Variants in MAML3 observed in about 807,000 individuals in gnomAD.
The protein encoded by MAML3 is mastermind-like protein 3.
A neutral mutation model predicts 101.9 loss-of-function variants in MAML3; 27 were observed. That is an observed-to-expected ratio of 0.27 (90% CI 0.20 to 0.37). The LOEUF is 0.37. Ranked by LOEUF, MAML3 falls within the 10% of genes least tolerant of loss-of-function variation. The pLI is 1.00. For synonymous variants in MAML3, 501 were observed against 555.9 expected (o/e 0.90, Z 1.39); for missense variants, 1,316 against 1,444.9 (o/e 0.91, Z 1.45).
At position 139,943,909 on chromosome 4, in the gene MAML3, C is replaced by T. The variant is rs1412226272; in HGVS notation, c.469-52942G>A. On this transcript the variant is annotated intron_variant, in intron 1 of 4. Coordinates refer to ENST00000509479, the MANE Select transcript of MAML3 (RefSeq NM_018717.5). ...TTTTTGAGACGGAATCTTGTTCTGT[C>T]GCCCAGGCTGGAGTGCAGCGGTGCA... Among the ~76,000 whole-genome samples, 4 of 83,164 alleles carry T rather than the reference C, an allele frequency of 4.8e-5. No homozygotes were observed. The Admixed American group carries it at 7.1e-4, about 15-fold the overall frequency. The allele number at this position is 83,164 out of a possible 152,430, so 54.6% of individuals were successfully genotyped here.
At chr4:139,893,470 A>G (rs1214191362) in intron 1 of MAML3, among the ~76,000 whole-genome samples, 1 of 152,118 alleles carries the variant, frequency 6.6e-6, no homozygotes, top group Non-Finnish European at 1.5e-5. Flanking sequence ...GAAGGTAGGA[A>G]CCGTGGCTGA....
chr4:140,044,153 C>T (rs1374849948), intron 1 of MAML3, among the ~76,000 whole-genome samples: 1 of 151,206 alleles, frequency 6.6e-6, no homozygotes, highest in Non-Finnish European at 1.5e-5. Flanking sequence ...GGTGTGTTCT[C>T]GGCAGTTTCA....
chr4:139,956,662 CACAAA>C, intron 1 of MAML3, among the ~76,000 whole-genome samples: 1 of 152,324 alleles, frequency 6.6e-6, no homozygotes, highest in East Asian at 1.9e-4. Flanking sequence ...TCCACCCCTG[CACAAA>C]GCGATGGGGA....
At position 139,877,012 on chromosome 4, in the gene MAML3, G is replaced by T. The variant is rs114814966; in HGVS notation, c.2079+12345C>A. Among the ~76,000 whole-genome samples the T allele has an allele frequency of 9.8e-3, 1,496 of 152,274 alleles. 12 individuals carry two copies. The highest frequency in any genetic ancestry group is 0.016 in the Non-Finnish European group (1,088 of 68,022). ...CCCAAACATCTCAGATCTAAGAAGAGCATTTAGAGAATGCAGATATGTTTA... is the reference window on the plus strand; with the variant it reads ...CCCAAACATCTCAGATCTAAGAAGATCATTTAGAGAATGCAGATATGTTTA... On this transcript the variant is annotated intron_variant, in intron 2 of 4. Coordinates refer to ENST00000509479, the MANE Select transcript of MAML3 (RefSeq NM_018717.5).
At chr4:139,990,818 A>C (rs915746029) in intron 1 of MAML3, among the ~76,000 whole-genome samples, 2 of 152,158 alleles carry the variant, frequency 1.3e-5, no homozygotes, top group South Asian at 4.1e-4. Context: ...CAAAGAGAAT[A>C]AAATACCTAG....
chr4:139,802,588 G>T (rs1057351699), intron 2 of MAML3, among the ~76,000 whole-genome samples: 1 of 152,028 alleles, frequency 6.6e-6, no homozygotes, highest in Non-Finnish European at 1.5e-5. Flanking sequence ...TAAAAAAAAA[G>T]AAATCAAAAT....
intron 2 of MAML3, among the ~76,000 whole-genome samples, chr4:139,784,527 A>G (rs969589159): frequency 9.2e-5 from 14 of 151,852 alleles, no homozygotes; most frequent in African/African-American, 3.4e-4. Flanking sequence ...ATACTTCCCT[A>G]TGGCCTCTCG....
chr4:139,865,885 C>T (rs545629688), intron 2 of MAML3, among the ~76,000 whole-genome samples: 1 of 152,246 alleles, frequency 6.6e-6, no homozygotes, highest in Non-Finnish European at 1.5e-5. Context: ...ACCCGGAGCC[C>T]CAGATTCTCT....
chr4:139,856,854 T>C (rs1731671633), intron 2 of MAML3, among the ~76,000 whole-genome samples: 1 of 152,222 alleles, frequency 6.6e-6, no homozygotes, highest in African/African-American at 2.4e-5. Flanking sequence ...ATCTGTATGC[T>C]ATTTTCTAAC....
intron 1 of MAML3, among the ~76,000 whole-genome samples, chr4:139,933,756 C>T (rs573074215): frequency 6.6e-6 from 1 of 152,270 alleles, no homozygotes; most frequent in South Asian, 2.1e-4. Context: ...TAAATGATTA[C>T]AGTAACAGGC....
intron 1 of MAML3, among the ~76,000 whole-genome samples, chr4:140,015,158 A>T (rs1026047259): frequency 1.3e-5 from 2 of 152,208 alleles, no homozygotes; most frequent in African/African-American, 4.8e-5. Context: ...TTAAAGTATG[A>T]ATTAAAAGTC....
chr4:140,077,636 A>G (rs1271046288), intron 1 of MAML3, among the ~76,000 whole-genome samples: 4 of 152,210 alleles, frequency 2.6e-5, no homozygotes, highest in African/African-American at 7.2e-5. Context: ...GGCAGAATAT[A>G]TATCAAATCT....
At chr4:139,873,747 T>C (rs1732057907) in intron 2 of MAML3, among the ~76,000 whole-genome samples, 1 of 151,970 alleles carries the variant, frequency 6.6e-6, no homozygotes, top group Middle Eastern at 3.4e-3. Context: ...TGAAGTAGAG[T>C]CTCCAGCCCC....
intron 1 of MAML3, among the ~76,000 whole-genome samples, chr4:140,142,994 C>A (rs1729000526): frequency 6.6e-6 from 1 of 152,222 alleles, no homozygotes; most frequent in Non-Finnish European, 1.5e-5. Context: ...CTAATCCTCT[C>A]CTCTGCACAG....
At chr4:139,955,900 T>C (rs144539739) in intron 1 of MAML3, among the ~76,000 whole-genome samples, 49 of 152,114 alleles carry the variant, frequency 3.2e-4, no homozygotes, top group African/African-American at 1.1e-3. Flanking sequence ...GGCCCCTGAG[T>C]GCCTAGGTGG....
intron 2 of MAML3, chr4:139,731,479 A>ATGGT (rs1407253994): frequency 6.6e-6 from 1 of 150,818 alleles, no homozygotes; most frequent in African/African-American, 2.6e-5. Context: ...TTAGCCAGAC[A>ATGGT]TGGTGGTGGG....
chr4:139,989,882 C>CACAGAG (rs1385720650), intron 1 of MAML3, among the ~76,000 whole-genome samples: 18 of 63,134 alleles, frequency 2.9e-4, no homozygotes, highest in African/African-American at 9.3e-4. Context: ...CACACACACA[C>CACAGAG]AGAGAGAGAG....
At chr4:139,831,796 CT>C (rs72068259) in intron 2 of MAML3, among the ~76,000 whole-genome samples, 14,611 of 143,262 alleles carry the variant, frequency 0.1, 1,554 homozygotes, top group African/African-American at 0.28. Flanking sequence ...CCCTCTCACT[CT>C]TTTTTTTTTT....
chr4:139,931,511 C>T lies in MAML3; in HGVS notation c.469-40544G>A, dbSNP rs551976887. ...TTAATTAGGTTTTTATGCTTTAATACGATGTCTGATGTTCTGGATCGTATC... is the reference window on the plus strand; with the variant it reads ...TTAATTAGGTTTTTATGCTTTAATATGATGTCTGATGTTCTGGATCGTATC... On this transcript the variant is annotated intron_variant, in intron 1 of 4. Transcript: ENST00000509479. Among the ~76,000 whole-genome samples the T allele has an allele frequency of 9.9e-5, 15 of 152,234 alleles. No homozygotes were observed. In the South Asian group the frequency reaches 2.7e-3, roughly 27 times the overall value.
Sources: allele counts gnomAD v4.1 joint callset (sites outside exome capture counted in the v4.1 genomes callset), GRCh38; gene constraint gnomAD v4.1.1; transcripts MANE v1.5; gene names NCBI Gene and HGNC (gene_info 2026-07-23, HGNC 2026-07-21).